The following GSE1 variants were observed in gnomAD, a reference collection of about 807,000 sequenced individuals.
GSE1 encodes genetic suppressor element 1.
Under a neutral mutation model 112.6 loss-of-function variants are expected in GSE1, and 32 were observed. That is an observed-to-expected ratio of 0.28 (90% CI 0.21 to 0.38). GSE1 has a LOEUF of 0.38. GSE1 is among the 10% of genes least tolerant of loss of function. The pLI is 1.00. For synonymous variants in GSE1, 1,115 were observed against 735.6 expected (o/e 1.52, Z -8.35); for missense variants, 2,348 against 1,699.2 (o/e 1.38, Z -6.71).
intron 1 of GSE1, among the ~76,000 whole-genome samples, chr16:85,207,566 C>CTTCTT (rs1555539635): frequency 6.6e-6 from 1 of 152,100 alleles, no homozygotes; most frequent in East Asian, 1.9e-4. Flanking sequence ...GAGATCTTCT[C>CTTCTT]AGAGCCTGCA....
At chr16:85,331,539 A>G (rs377237859) in intron 1 of GSE1, among the ~76,000 whole-genome samples, 10 of 104,496 alleles carry the variant, frequency 9.6e-5, no homozygotes, top group Admixed American at 6.1e-4. Flanking sequence ...GTATATGTGT[A>G]TATGTGTGTA....
intron 2 of GSE1, among the ~76,000 whole-genome samples, chr16:85,388,472 ATGGG>A (rs1275864872): frequency 0.016 from 271 of 17,288 alleles, 2 homozygotes; most frequent in African/African-American, 0.052. Flanking sequence ...GGGTGAGTGG[ATGGG>A]TGGGTGGGTG....
At chr16:85,230,946 CGGAT>C (rs1567625499) in intron 1 of GSE1, among the ~76,000 whole-genome samples, 1 of 145,914 alleles carries the variant, frequency 6.9e-6, no homozygotes, top group African/African-American at 2.6e-5. Flanking sequence ...GATGGACAGA[CGGAT>C]GGATGGATAG....
At chr16:85,465,383 C>T (rs2050095464) in intron 2 of GSE1, among the ~76,000 whole-genome samples, 3 of 152,218 alleles carry the variant, frequency 2.0e-5, no homozygotes, top group African/African-American at 7.2e-5. Flanking sequence ...GGCCTGGGCT[C>T]CCATCTGGGT....
At chr16:85,669,871 TG>T (rs1179164990) in intron 14 of GSE1, among the ~76,000 whole-genome samples, 1 of 152,236 alleles carries the variant, frequency 6.6e-6, no homozygotes, top group African/African-American at 2.4e-5. Context: ...CCACACCTGC[TG>T]GGCCTGGCTT....
At chr16:85,193,281 C>T (rs2074862327) in intron 1 of GSE1, among the ~76,000 whole-genome samples, 2 of 152,076 alleles carry the variant, frequency 1.3e-5, no homozygotes, top group African/African-American at 2.4e-5. Flanking sequence ...ATAAACACAC[C>T]ATCCTGTTGA....
intron 1 of GSE1, among the ~76,000 whole-genome samples, chr16:85,198,084 C>G (rs2074962383): frequency 6.6e-6 from 1 of 152,114 alleles, no homozygotes; most frequent in Non-Finnish European, 1.5e-5. Flanking sequence ...AGGTGTGGCC[C>G]TCAGCGTCCT....
intron 1 of GSE1, among the ~76,000 whole-genome samples, chr16:85,574,577 C>A (rs1354363782): frequency 6.6e-6 from 1 of 152,214 alleles, no homozygotes; most frequent in Non-Finnish European, 1.5e-5. Context: ...AAAGCCAGGT[C>A]ATTCCTTTCT....
Position 85,466,689 on chromosome 16 carries a change from AATAT to A in GSE1, c.2464+109056_2464+109059del, listed in dbSNP as rs56369721. Among the ~76,000 whole-genome samples the A allele has an allele frequency of 7.0e-3, 1,000 of 142,294 alleles. 8 individuals carry two copies. The highest frequency in any genetic ancestry group is 0.038 in the East Asian group (183 of 4,848). The allele number at this position is 142,294 out of a possible 152,430, so 93.4% of individuals were successfully genotyped here. On this transcript the variant is annotated intron_variant, in intron 2 of 2. Coordinates refer to the GSE1 transcript ENST00000637419. ...GGTTTGCAAATTAAAAAAAAAAAGA[AATAT>A]ATATATATAGAGAGAGAGAGGGAGA...
At chr16:85,334,032 G>A (rs112652435) in intron 1 of GSE1, among the ~76,000 whole-genome samples, 1,751 of 152,316 alleles carry the variant, frequency 0.011, 31 homozygotes, top group African/African-American at 0.04. Context: ...CCTCCAGGGC[G>A]TGGACACGGG....
At chr16:85,352,008 A>C (rs9930767) in intron 1 of GSE1, among the ~76,000 whole-genome samples, 66,928 of 151,796 alleles carry the variant, frequency 0.44, 16,050 homozygotes, top group South Asian at 0.6. Flanking sequence ...AACAAACAAA[A>C]AAAAAACCCA....
chr16:85,472,935 A>G (rs1013015174), intron 2 of GSE1, among the ~76,000 whole-genome samples: 8 of 152,266 alleles, frequency 5.3e-5, no homozygotes, highest in African/African-American at 1.9e-4. Flanking sequence ...GGCTCACTCT[A>G]TGTGTGTCTG....
chr16:85,449,404 G>A (rs1307815584), intron 2 of GSE1, among the ~76,000 whole-genome samples: 2 of 152,378 alleles, frequency 1.3e-5, no homozygotes, highest in Admixed American at 6.5e-5. Context: ...CAGCTGGGCC[G>A]AGGCCGCATG....
chr16:85,483,819 G>T (rs2326519), intron 2 of GSE1, among the ~76,000 whole-genome samples: 10,522 of 152,344 alleles, frequency 0.069, 1,178 homozygotes, highest in African/African-American at 0.24. Context: ...TGATTATTGT[G>T]TGAATAATTG....
chr16:85,345,171 T>C (rs951849982), intron 1 of GSE1, among the ~76,000 whole-genome samples: 2 of 146,510 alleles, frequency 1.4e-5, no homozygotes, highest in South Asian at 2.2e-4. Context: ...GGATGGCCCA[T>C]GAGCTAAGAA....
intron 2 of GSE1, among the ~76,000 whole-genome samples, chr16:85,456,996 G>A (rs573933701): frequency 1.3e-5 from 2 of 152,286 alleles, no homozygotes; most frequent in African/African-American, 4.8e-5. Context: ...AAGGGCTTCC[G>A]CAGCCTCCTT....
At chr16:85,572,330 C>A (rs2046030286) in intron 1 of GSE1, among the ~76,000 whole-genome samples, 1 of 149,098 alleles carries the variant, frequency 6.7e-6, no homozygotes, top group South Asian at 2.1e-4. Flanking sequence ...ACACCACACA[C>A]ACCACATACC....
In GSE1 at chr16:85,371,488, C is replaced by T. The variant is rs1316318307; in HGVS notation, c.2464+13845C>T. Among the ~76,000 whole-genome samples, 2 of 152,154 alleles carry T rather than the reference C, an allele frequency of 1.3e-5. 1 individual carries two copies. The highest frequency in any genetic ancestry group is 6.3e-3 in the Middle Eastern group (2 of 316). On this transcript the variant is annotated intron_variant, in intron 2 of 2. Transcript: ENST00000637419. Reference sequence around the variant, plus strand: ...GTGCTGGCCCAGGGGACGGTGACCTCAGGGACAGGCATAATGGTCCTAGTC... The same window carrying T: ...GTGCTGGCCCAGGGGACGGTGACCTTAGGGACAGGCATAATGGTCCTAGTC...
At chr16:85,648,918 C>A (rs575904148) in intron 3 of GSE1, among the ~76,000 whole-genome samples, 167 bp downstream of exon 3, 2 of 152,142 alleles carry the variant, frequency 1.3e-5, no homozygotes, top group Non-Finnish European at 2.9e-5. Context: ...GACAGCGGCA[C>A]CCTCCTGGAG....
Sources: gnomAD v4.1 joint callset for allele counts (sites outside exome capture counted in the v4.1 genomes callset) on GRCh38, gnomAD v4.1.1 for gene constraint, MANE v1.5 for transcripts, NCBI Gene and HGNC (gene_info 2026-07-23, HGNC 2026-07-21) for gene names.